ANKLE2: variants seen among roughly 807,000 people sequenced by gnomAD.
ANKLE2 encodes ankyrin repeat and LEM domain containing 2, also known as ankyrin repeat and LEM domain-containing protein 2.
A neutral mutation model predicts 84.2 loss-of-function variants in ANKLE2; 55 were observed. That is an observed-to-expected ratio of 0.65 (90% CI 0.53 to 0.82). The LOEUF (loss-of-function observed/expected upper bound fraction) is 0.82. ANKLE2 is among the 40% of genes least tolerant of loss of function. The pLI is 0.00. For synonymous variants in ANKLE2, 551 were observed against 486.1 expected (o/e 1.13, Z -1.76); for missense variants, 1,238 against 1,201.9 (o/e 1.03, Z -0.44).
intron 11 of ANKLE2, among the ~76,000 whole-genome samples, chr12:132,728,396 T>C (rs2043755291): frequency 6.6e-6 from 1 of 152,114 alleles, no homozygotes; most frequent in Admixed American, 6.5e-5. Flanking sequence ...GCCCGGCTAA[T>C]TTTTTGTATT....
chr12:132,729,868 G>A lies in ANKLE2; in HGVS notation c.2294C>T (p.Ser765Leu). 1.2e-6 allele frequency: 2 copies of A among 1,613,614 alleles called. No homozygotes were observed. Among genetic ancestry groups the A allele is most frequent in the Non-Finnish European group, 1.7e-6 (2 of 1,179,862 alleles). The change falls in exon 11 of 13, where the codon TCA (serine) becomes TTA (leucine). Residue 765 changes from serine to leucine, a missense_variant. Transcript: ENST00000357997. Reference sequence around the variant, plus strand: ...GTCTCTTTCTACTGCATTGATTCTTGAAGTCAGGATCTGATCTTTAGTTTT... The same window carrying A: ...GTCTCTTTCTACTGCATTGATTCTTAAAGTCAGGATCTGATCTTTAGTTTT... ...STKTKDQILT[S>L]RINAVERDLL... is the part of the protein sequence containing the mutation.
intron 2 of ANKLE2, 99 bp from the exon 3 acceptor site, chr12:132,750,948 AC>A: frequency 9.3e-7 from 1 of 1,073,224 alleles, no homozygotes; most frequent in Non-Finnish European, 1.4e-6. Context: ...CACATCTGCT[AC>A]CCAGTCGCCT....
Position 132,730,010 on chromosome 12 carries a change from C to G in ANKLE2, c.2152G>C (p.Ala718Pro). The change falls in exon 11 of 13, where the codon GCC (alanine) becomes CCC (proline). Residue 718 changes from alanine (A) to proline (P), a missense_variant. Coordinates refer to ENST00000357997, the MANE Select transcript of ANKLE2 (RefSeq NM_015114.3). The part of the protein sequence containing the change: ...SRTLAGKRPK[A>P]PRGEEAHLPP... ...AGATGGGCTTCCTCCCCACGGGGGGCCTTTGGTCTCTTGCCCGCCAGGGTC... is the reference window on the plus strand; with the variant it reads ...AGATGGGCTTCCTCCCCACGGGGGGGCTTTGGTCTCTTGCCCGCCAGGGTC... 1 of 1,613,276 alleles carries G rather than the reference C, an allele frequency of 6.2e-7. No individual in the cohort carries two copies. The highest frequency in any genetic ancestry group is 8.5e-7 in the Non-Finnish European group (1 of 1,179,908).
In ANKLE2 at chr12:132,729,639, T is replaced by A. The variant is rs199726767; in HGVS notation, c.2483+40A>T. 9.0e-4 allele frequency: 732 copies of A among 817,726 alleles called. 12 individuals carry two copies. The African/African-American group carries it at 0.021, about 23-fold the overall frequency. 50.7% of individuals were successfully genotyped at this position (817,726 alleles called of 1,614,324 possible). On this transcript the variant is annotated intron_variant, in intron 11 of 12. Coordinates refer to ENST00000357997, the MANE Select transcript of ANKLE2 (RefSeq NM_015114.3). ...GGGGAGGGGGAGGGGGGAGGGAAGG[T>A]GGGGAAGGAAAGTGAGTGCAGAGGG...
intron 7 of ANKLE2, chr12:132,738,264 C>G (rs1196490693): frequency 6.6e-6 from 1 of 152,322 alleles, no homozygotes; most frequent in African/African-American, 2.4e-5. Flanking sequence ...CTCAACAGAT[C>G]TGGAATCACA....
Position 132,754,859 on chromosome 12 carries a change from A to G in ANKLE2, c.456T>C (p.Ser152=). 2.5e-6 allele frequency: 4 copies of G among 1,614,216 alleles called. No homozygotes were observed. The highest frequency in any genetic ancestry group is 3.4e-6 in the Non-Finnish European group (4 of 1,180,044). The change falls in exon 2 of 13, where the codon TCT becomes TCC. Residue 152 remains serine (S), a synonymous_variant. Coordinates refer to ENST00000357997, the MANE Select transcript of ANKLE2 (RefSeq NM_015114.3). ...EGNPTDQAGF[S]EDRDFGYSVG... is the part of the protein sequence containing the mutation. ...CACTGTAACCAAAATCTCTGTCTTC[A>G]GAAAAACCAGCCTGATCAGTTGGGT...
chr12:132,747,342 G>A (rs1035249167), intron 5 of ANKLE2, among the ~76,000 whole-genome samples: 7 of 147,554 alleles, frequency 4.7e-5, no homozygotes, highest in Non-Finnish European at 1.0e-4. Context: ...ACAGCCCTGC[G>A]TGTCAGGCAG....
intron 7 of ANKLE2, 26 bp downstream of exon 7, chr12:132,741,393 A>G: frequency 3.1e-6 from 5 of 1,612,532 alleles, no homozygotes; most frequent in African/African-American, 1.3e-5. Flanking sequence ...GGACCCCACG[A>G]TCCAGGCACC....
chr12:132,734,290 A>C, intron 10 of ANKLE2, 95 bp downstream of exon 10: 7 of 1,336,638 alleles, frequency 5.2e-6, no homozygotes, highest in Non-Finnish European at 7.2e-6. Context: ...TACGTTAAAA[A>C]CACCAAGAGA....
chr12:132,746,425 A>G (rs2044241302), intron 5 of ANKLE2, among the ~76,000 whole-genome samples: 1 of 151,694 alleles, frequency 6.6e-6, no homozygotes, highest in African/African-American at 2.4e-5. Flanking sequence ...CATAAGTGGC[A>G]TTTTTGACCT....
In ANKLE2 at chr12:132,734,301, C is replaced by T. The variant is rs7969633; in HGVS notation, c.1891+84G>A. 0.74 allele frequency: 1,039,856 copies of T among 1,399,300 alleles called. 387,589 individuals carry two copies. Among genetic ancestry groups the T allele is most frequent in the East Asian group, 0.82 (35,434 of 43,150 alleles). 86.7% of individuals were successfully genotyped at this position (1,399,300 alleles called of 1,614,324 possible). A position where few individuals can be genotyped will look rare whatever the true frequency, so the allele number is the denominator to read the frequency against. ...CCTTTACGTTAAAAACACCAAGAGACGAGAAACAGATGTGCGCATCCCGTC... is the reference window on the plus strand; with the variant it reads ...CCTTTACGTTAAAAACACCAAGAGATGAGAAACAGATGTGCGCATCCCGTC... On this transcript the variant is annotated intron_variant, in intron 10 of 12. Coordinates refer to ENST00000357997, the MANE Select transcript of ANKLE2 (RefSeq NM_015114.3).
intron 5 of ANKLE2, among the ~76,000 whole-genome samples, chr12:132,747,198 C>T (rs546254354): frequency 1.6e-4 from 24 of 152,316 alleles, no homozygotes; most frequent in Admixed American, 6.5e-4. Context: ...TCTAAGCAGT[C>T]GCACCCCAGC....
chr12:132,750,667 G>A lies in ANKLE2; in HGVS notation c.823C>T (p.Leu275Phe). The A allele has an allele frequency of 1.2e-6, 2 of 1,614,254 alleles. No homozygotes were observed. The highest frequency in any genetic ancestry group is 1.7e-6 in the Non-Finnish European group (2 of 1,180,044). Residue 275 changes from leucine to phenylalanine, a missense_variant, in exon 3 of 13, where the codon CTC becomes TTC. Coordinates refer to ENST00000357997, the MANE Select transcript of ANKLE2 (RefSeq NM_015114.3). ...CCTTTCAACCTGTCATTGCTAAAGA[G>A]TGGAGCTGTTTTCACAGGAGACAGT... Reference protein sequence around the residue: ...LPLSPVKTAPLFSNDRLKDGL... With the variant: ...LPLSPVKTAPFFSNDRLKDGL...
In ANKLE2 at chr12:132,729,921, G is replaced by C; in HGVS notation, c.2241C>G (p.Ser747Arg). 1 of 1,613,598 alleles carries C rather than the reference G, an allele frequency of 6.2e-7. No individual in the cohort carries two copies. Among genetic ancestry groups the C allele is most frequent in the Non-Finnish European group, 8.5e-7 (1 of 1,179,910 alleles). ...TACTTTCATCTGGTGTCTTGGAAAC[G>C]CTACGTCCTATATTTTGCAAATTCA... The part of the protein sequence containing the change: ...DKLNLQNIGR[S>R]VSKTPDESTK... Residue 747 changes from serine to arginine, a missense_variant, in exon 11 of 13, where the codon AGC (serine) becomes AGG (arginine). Coordinates refer to ENST00000357997, the MANE Select transcript of ANKLE2 (RefSeq NM_015114.3).
intron 2 of ANKLE2, among the ~76,000 whole-genome samples, chr12:132,754,318 C>T (rs1322333519): frequency 2.0e-5 from 3 of 152,162 alleles, no homozygotes; most frequent in Non-Finnish European, 4.4e-5. Flanking sequence ...CACTCATTGG[C>T]CATTTGCATT....
intron 7 of ANKLE2, among the ~76,000 whole-genome samples, 180 bp downstream of exon 7, chr12:132,741,239 A>T (rs2044115934): frequency 6.6e-6 from 1 of 152,262 alleles, no homozygotes; most frequent in African/African-American, 2.4e-5. Context: ...AACAGAAAAA[A>T]GGTGGCAAAT....
Position 132,726,944 on chromosome 12 carries a change from G to A in ANKLE2, c.*298C>T, listed in dbSNP as rs905319739. The A allele has an allele frequency of 1.0e-5, 4 of 394,844 alleles. No individual in the cohort carries two copies. Among genetic ancestry groups the A allele is most frequent in the African/African-American group, 2.0e-5 (1 of 49,562 alleles). 24.5% of individuals were successfully genotyped at this position (394,844 alleles called of 1,614,324 possible). A position where few individuals can be genotyped will look rare whatever the true frequency, so the allele number is the denominator to read the frequency against. On this transcript the variant is annotated 3_prime_UTR_variant, in exon 13 of 13. Coordinates refer to ENST00000357997, the MANE Select transcript of ANKLE2 (RefSeq NM_015114.3). ...GCTGCCTGCCTGCAACTGCCTCAGC[G>A]CCCTTTCCTCTGCTATATTTCAGAC...
At chr12:132,755,479 A>C in intron 1 of ANKLE2, 11 of 181,188 alleles carry the variant, frequency 6.1e-5, no homozygotes, top group South Asian at 2.5e-4. Context: ...CAGGAGGCGG[A>C]GGCTGCAATT....
intron 10 of ANKLE2, among the ~76,000 whole-genome samples, chr12:132,732,657 TGTCTG>T (rs2043897890): frequency 9.5e-6 from 1 of 105,774 alleles, no homozygotes; most frequent in African/African-American, 3.5e-5. Flanking sequence ...TGCGTGCTGG[TGTCTG>T]ATACGCACCG....
Sources: allele counts gnomAD v4.1 joint callset (sites outside exome capture counted in the v4.1 genomes callset), GRCh38; gene constraint gnomAD v4.1.1; transcripts MANE v1.5; gene names NCBI Gene and HGNC (gene_info 2026-07-23, HGNC 2026-07-21).